The following SNX18 variants were observed in gnomAD, a reference collection of about 807,000 sequenced individuals.
SNX18 encodes sorting nexin 18.
In SNX18, 35 loss-of-function variants were observed where a neutral mutation model predicts 48.7. The ratio of observed to expected loss-of-function variants is 0.72; its 90% confidence interval spans 0.55 to 0.95. The LOEUF is 0.95. Ranked by LOEUF, SNX18 falls within the 40% of genes least tolerant of loss-of-function variation. The probability of loss-of-function intolerance (pLI) is 0.00; values close to 1 mark genes in which losing one functional copy is unlikely to be tolerated. For missense variants in SNX18, 824 were observed against 871.0 expected (o/e 0.95, Z 0.68); for synonymous variants, 492 against 384.7 (o/e 1.28, Z -3.26).
the SNX18 span, among the ~76,000 whole-genome samples, chr5:54,623,055 A>C: frequency 6.6e-6 from 1 of 152,186 alleles, no homozygotes; most frequent in African/African-American, 2.4e-5. Flanking sequence ...AATAAAAATC[A>C]TTTTGGATCC....
At chr5:54,562,400 A>T in the SNX18 span, among the ~76,000 whole-genome samples, 1 of 152,226 alleles carries the variant, frequency 6.6e-6, no homozygotes, top group Non-Finnish European at 1.5e-5. Context: ...AATGGTAAGA[A>T]AAGGGACCAT....
the SNX18 span, among the ~76,000 whole-genome samples, chr5:54,586,355 A>T: frequency 1.3e-5 from 2 of 152,174 alleles, no homozygotes; most frequent in African/African-American, 4.8e-5. Context: ...CCGTGGGGAA[A>T]TGAGGGACAG....
At chr5:54,534,868 G>T (rs1487881397) in intron 1 of SNX18, among the ~76,000 whole-genome samples, 2 of 152,058 alleles carry the variant, frequency 1.3e-5, no homozygotes, top group African/African-American at 2.4e-5. Flanking sequence ...TACATGACTC[G>T]AGAGATTCAC....
In SNX18 at chr5:54,545,196, C is replaced by T. The variant is rs1395979184; in HGVS notation, c.*1764C>T. On this transcript the variant is annotated 3_prime_UTR_variant, in exon 2 of 2. Coordinates refer to ENST00000381410, the MANE Select transcript of SNX18 (RefSeq NM_001102575.2). ...TTGTCTTTACTACAGATATGTGGAA[C>T]TGTAACCAAATATGTTGTCTCTAAA... 1 of 152,086 alleles carries T rather than the reference C, an allele frequency of 6.6e-6. No homozygotes were observed. The highest frequency in any genetic ancestry group is 2.4e-5 in the African/African-American group (1 of 41,412). The allele number at this position is 152,086 out of a possible 1,614,324, so 9.4% of individuals were successfully genotyped here.
chr5:54,538,839 G>C (rs1253349419), intron 1 of SNX18, among the ~76,000 whole-genome samples: 1 of 152,026 alleles, frequency 6.6e-6, no homozygotes, highest in Non-Finnish European at 1.5e-5. Context: ...TTTTGAAGGT[G>C]GATCTGGGAA....
At position 54,519,165 on chromosome 5, in the gene SNX18, G is replaced by A; in HGVS notation, c.1213G>A (p.Ala405Thr). Residue 405 changes from alanine to threonine, a missense_variant, in exon 1 of 2, where the codon GCC (alanine) becomes ACC (threonine). By Grantham distance (58) the Ala-to-Thr change is moderately conservative (BLOSUM62 0). This residue lies in a region of SNX18 where 443 missense variants were observed against 503.6 expected (regional missense o/e 0.88). Transcript: ENST00000381410. The stretch of plus-strand genomic sequence containing the variant: ...GGCCGAGAAGGACGAGATGGTGGGC[G>A]CCAACTTCTTCCTGACCCTTAGCAC... The part of the protein sequence containing the change: ...RKAEKDEMVG[A>T]NFFLTLSTPP... 1.2e-6 allele frequency: 2 copies of A among 1,613,674 alleles called. No homozygotes were observed. Among genetic ancestry groups the A allele is most frequent in the East Asian group, 2.2e-5 (1 of 44,866 alleles).
the SNX18 span, among the ~76,000 whole-genome samples, chr5:54,571,297 C>T: frequency 2.0e-5 from 3 of 152,294 alleles, no homozygotes; most frequent in African/African-American, 7.2e-5. Context: ...CTGTAAATTA[C>T]GAGGCTGCAA....
chr5:54,619,742 T>C, the SNX18 span, among the ~76,000 whole-genome samples: 226 of 152,274 alleles, frequency 1.5e-3, 1 homozygote, highest in African/African-American at 5.1e-3. Flanking sequence ...ATTTGTGACC[T>C]GTGCTTTTTC....
the SNX18 span, among the ~76,000 whole-genome samples, chr5:54,589,552 G>C: frequency 2.0e-5 from 3 of 152,210 alleles, no homozygotes; most frequent in Non-Finnish European, 4.4e-5. Context: ...TCAAAATGAA[G>C]AAAGAATTTG....
At chr5:54,620,330 G>A in the SNX18 span, among the ~76,000 whole-genome samples, 2 of 152,258 alleles carry the variant, frequency 1.3e-5, no homozygotes, top group East Asian at 3.9e-4. Context: ...GAACCTGGAA[G>A]GAGAGTCACA....
chr5:54,597,935 A>T, the SNX18 span, among the ~76,000 whole-genome samples: 2 of 151,972 alleles, frequency 1.3e-5, no homozygotes, highest in Non-Finnish European at 2.9e-5. Context: ...CCTTCAAAAA[A>T]ATCAATGGAT....
At chr5:54,555,635 G>GT in the SNX18 span, among the ~76,000 whole-genome samples, 1 of 151,950 alleles carries the variant, frequency 6.6e-6, no homozygotes, top group Admixed American at 6.6e-5. Context: ...AGGAATTCAA[G>GT]GCCAACACAG....
At chr5:54,550,930 A>T (rs1762646579), downstream of SNX18, among the ~76,000 whole-genome samples, 1 of 150,808 alleles carries the variant, frequency 6.6e-6, no homozygotes, top group African/African-American at 2.4e-5. Flanking sequence ...CTTGGTAGCA[A>T]GGCAACATTG....
At chr5:54,646,461 G>C in the SNX18 span, among the ~76,000 whole-genome samples, 1 of 152,224 alleles carries the variant, frequency 6.6e-6, no homozygotes, top group African/African-American at 2.4e-5. Flanking sequence ...CACTGCTGCC[G>C]GTTGCCCTGC....
chr5:54,612,350 C>T, the SNX18 span, among the ~76,000 whole-genome samples: 1 of 151,878 alleles, frequency 6.6e-6, no homozygotes, highest in African/African-American at 2.4e-5. Context: ...CCTCTGCCTC[C>T]CGGGTTCAAG....
the SNX18 span, among the ~76,000 whole-genome samples, chr5:54,588,519 G>C: frequency 6.6e-6 from 1 of 151,446 alleles, no homozygotes; most frequent in African/African-American, 2.4e-5. Flanking sequence ...AGTAGAGATG[G>C]GGTTTCACCA....
chr5:54,589,785 C>A, the SNX18 span, among the ~76,000 whole-genome samples: 1 of 152,220 alleles, frequency 6.6e-6, no homozygotes, highest in East Asian at 1.9e-4. Flanking sequence ...AAACCAGGGC[C>A]CTGTGATATT....
At chr5:54,583,728 G>C in the SNX18 span, among the ~76,000 whole-genome samples, 1 of 152,216 alleles carries the variant, frequency 6.6e-6, no homozygotes, top group African/African-American at 2.4e-5. Context: ...CCCCAGCTGG[G>C]TATGTAAGTA....
the SNX18 span, among the ~76,000 whole-genome samples, chr5:54,636,447 G>C: frequency 1.3e-5 from 2 of 151,992 alleles, no homozygotes; most frequent in Non-Finnish European, 2.9e-5. Flanking sequence ...AAAAAATTGA[G>C]TTGTATGCAT....
Sources: allele counts gnomAD v4.1 joint callset (sites outside exome capture counted in the v4.1 genomes callset), GRCh38; gene constraint gnomAD v4.1.1; regional missense constraint gnomAD v4.1.1; transcripts MANE v1.5; gene names NCBI Gene and HGNC (gene_info 2026-07-23, HGNC 2026-07-21).